The following KCNC1 variants were observed in gnomAD, a reference collection of about 807,000 sequenced individuals.
KCNC1 encodes voltage-gated potassium channel KCNC1.
In KCNC1, 8 loss-of-function variants were observed where a neutral mutation model predicts 43.4. That is an observed-to-expected ratio of 0.18 (90% confidence interval 0.11 to 0.33). The LOEUF (loss-of-function observed/expected upper bound fraction) is 0.33. KCNC1 is among the 10% of genes least tolerant of loss of function. The pLI is 1.00. For synonymous variants in KCNC1, 361 were observed against 360.5 expected (o/e 1.00, Z -0.01); for missense variants, 420 against 836.0 (o/e 0.50, Z 6.14).
At chr11:17,762,532 G>A (rs566578675) in intron 1 of KCNC1, among the ~76,000 whole-genome samples, 90 of 152,298 alleles carry the variant, frequency 5.9e-4, no homozygotes, top group African/African-American at 2.1e-3. Flanking sequence ...GTTGAGTCAG[G>A]CCTGAAAAGC....
chr11:17,750,786 G>C (rs897379074), intron 1 of KCNC1, among the ~76,000 whole-genome samples: 1 of 152,060 alleles, frequency 6.6e-6, no homozygotes, highest in Admixed American at 6.5e-5. Context: ...CTGCTAGGCC[G>C]GCTCTCATGG....
intron 1 of KCNC1, among the ~76,000 whole-genome samples, chr11:17,767,493 G>T (rs532762911): frequency 4.1e-4 from 62 of 152,204 alleles, no homozygotes; most frequent in African/African-American, 1.3e-3. Flanking sequence ...CAAGTTTTGG[G>T]AGCTCTTTCC....
intron 2 of KCNC1, chr11:17,775,509 G>A (rs1849275333): frequency 1.0e-6 from 1 of 985,488 alleles, no homozygotes; most frequent in Non-Finnish European, 1.2e-6. Flanking sequence ...GGGATGCTAG[G>A]AGGGCGCCCT....
At chr11:17,762,381 G>C (rs1451240878) in intron 1 of KCNC1, among the ~76,000 whole-genome samples, 1 of 152,224 alleles carries the variant, frequency 6.6e-6, no homozygotes, top group Admixed American at 6.5e-5. Context: ...TTCAAGGTGA[G>C]AGGCTCTGTG....
At chr11:17,749,593 T>C (rs551021772) in intron 1 of KCNC1, among the ~76,000 whole-genome samples, 8 of 152,336 alleles carry the variant, frequency 5.3e-5, no homozygotes, top group Non-Finnish European at 8.8e-5. Context: ...AGATGAATGT[T>C]TGATGCTCAG....
chr11:17,756,557 ACG>A (rs1491157397), intron 1 of KCNC1, among the ~76,000 whole-genome samples: 1 of 146,752 alleles, frequency 6.8e-6, no homozygotes, highest in South Asian at 2.2e-4. Context: ...ACACACACAC[ACG>A]CATGTACATT....
At chr11:17,774,775 G>C in intron 2 of KCNC1, 2 of 985,404 alleles carry the variant, frequency 2.0e-6, no homozygotes, top group East Asian at 1.1e-4. Context: ...TGGATGCCTG[G>C]ATCCCTCCTG....
At position 17,736,179 on chromosome 11, in the gene KCNC1, C is replaced by T. The variant is rs1434710830; in HGVS notation, c.177C>T (p.Arg59=). The change falls in exon 1 of 4, where the codon CGC becomes CGT. Residue 59 remains arginine (R), a synonymous_variant. Transcript: ENST00000265969. The surrounding 1 kb of genome is among the most constrained non-coding windows in gnomAD (Gnocchi z 9.3). Reference sequence around the variant, plus strand: ...GTGCTGACGAGTTCTTCTTCGACCGCCACCCCGGCGTCTTCGCGCACATCC... The same window carrying T: ...GTGCTGACGAGTTCTTCTTCGACCGTCACCCCGGCGTCTTCGCGCACATCC... ...DPRADEFFFD[R]HPGVFAHILN... is the part of the protein sequence containing the mutation. 1 of 1,613,562 alleles carries T rather than the reference C, an allele frequency of 6.2e-7. No individual in the cohort carries two copies. Among genetic ancestry groups the T allele is most frequent in the African/African-American group, 1.3e-5 (1 of 74,920 alleles).
intron 1 of KCNC1, among the ~76,000 whole-genome samples, chr11:17,767,788 C>T (rs1206296080): frequency 6.6e-6 from 1 of 152,226 alleles, no homozygotes; most frequent in Non-Finnish European, 1.5e-5. Context: ...CTCCACCTCT[C>T]CTGACTCTCC....
At chr11:17,740,971 G>A (rs1472508623) in intron 1 of KCNC1, among the ~76,000 whole-genome samples, 1 of 152,122 alleles carries the variant, frequency 6.6e-6, no homozygotes, top group East Asian at 1.9e-4. Context: ...CATGCGGAGG[G>A]CTGGGGGACA....
At position 17,741,258 on chromosome 11, in the gene KCNC1, C is replaced by T. The variant is rs528116692; in HGVS notation, c.570+4686C>T. Among the ~76,000 whole-genome samples, 15 of 142,438 alleles carry T rather than the reference C, an allele frequency of 1.1e-4. No homozygotes were observed. In the East Asian group the frequency reaches 3.1e-3, roughly 29 times the overall value. 93.4% of individuals were successfully genotyped at this position (142,438 alleles called of 152,430 possible). ...AGTAATGAAAATCATAAACCAAGCGCCTCCTGGTCAGAGCCCTGCAGCCCC... is the reference window on the plus strand; with the variant it reads ...AGTAATGAAAATCATAAACCAAGCGTCTCCTGGTCAGAGCCCTGCAGCCCC... On this transcript the variant is annotated intron_variant, in intron 1 of 3. Transcript: ENST00000265969.
Position 17,736,706 on chromosome 11 carries a change from A to T in KCNC1, c.570+134A>T. On this transcript the variant is annotated intron_variant, in intron 1 of 3. Transcript: ENST00000265969. This position sits in a 1 kb window ranked among gnomAD's most constrained non-coding sequence, Gnocchi z 9.3. ...AAAGGGGGTGTGTGCGCATGTGTGC[A>T]CGTACCAGGGTAAGAGAGGAAGGGT... 6 of 1,394,902 alleles carry T rather than the reference A, an allele frequency of 4.3e-6. No homozygotes were observed. Among genetic ancestry groups the T allele is most frequent in the Non-Finnish European group, 5.6e-6 (6 of 1,067,000 alleles). 86.4% of individuals were successfully genotyped at this position (1,394,902 alleles called of 1,614,324 possible).
At chr11:17,766,157 C>G (rs976560659) in intron 1 of KCNC1, among the ~76,000 whole-genome samples, 1 of 152,214 alleles carries the variant, frequency 6.6e-6, no homozygotes, top group African/African-American at 2.4e-5. Context: ...GCTGCATTAT[C>G]TGTGTGTGCC....
At position 17,776,743 on chromosome 11, in the gene KCNC1, G is replaced by A; in HGVS notation, c.1505-2713G>A. ...ACTATCTCATCCAAAGGATGGGGCA[G>A]GGGCGGGGGCTCACACCTTTGACCC... On this transcript the variant is annotated intron_variant, in intron 2 of 3. Transcript: ENST00000265969. The surrounding 1 kb of genome is among the most constrained non-coding windows in gnomAD (Gnocchi z 4.4). 1.0e-6 allele frequency: 1 copy of A among 985,424 alleles called. No individual in the cohort carries two copies. The highest frequency in any genetic ancestry group is 1.2e-6 in the Non-Finnish European group (1 of 829,934). 61.0% of individuals were successfully genotyped at this position (985,424 alleles called of 1,614,324 possible). A position where few individuals can be genotyped will look rare whatever the true frequency, so the allele number is the denominator to read the frequency against.
Position 17,781,871 on chromosome 11 carries a change from G to A in KCNC1, c.*137G>A. The A allele has an allele frequency of 1.8e-6, 1 of 548,206 alleles. No homozygotes were observed. Among genetic ancestry groups the A allele is most frequent in the East Asian group, 3.1e-5 (1 of 32,046 alleles). 34.0% of individuals were successfully genotyped at this position (548,206 alleles called of 1,614,324 possible). ...TCCGAGTGGCCCAGGCATTGTACTA[G>A]GACGGACGTAGCTTTTTCTACGGCC... is the stretch of plus-strand genomic sequence containing the variant. On this transcript the variant is annotated 3_prime_UTR_variant, in exon 4 of 4. Coordinates refer to ENST00000265969, the MANE Select transcript of KCNC1 (RefSeq NM_001112741.2). The surrounding 1 kb of genome is among the most constrained non-coding windows in gnomAD (Gnocchi z 5.1).
At chr11:17,774,271 G>A (rs1395665718) in intron 2 of KCNC1, 1 of 985,380 alleles carries the variant, frequency 1.0e-6, no homozygotes, top group Non-Finnish European at 1.2e-6. Flanking sequence ...CCTCTAGGAG[G>A]AACGCGTGGG....
At chr11:17,757,713 TAA>T (rs1849036813) in intron 1 of KCNC1, among the ~76,000 whole-genome samples, 1 of 152,238 alleles carries the variant, frequency 6.6e-6, no homozygotes, top group African/African-American at 2.4e-5. Flanking sequence ...TCAGAGCATA[TAA>T]AAGTTATATT....
intron 1 of KCNC1, among the ~76,000 whole-genome samples, chr11:17,760,824 A>G (rs1849069242): frequency 1.3e-5 from 2 of 152,204 alleles, no homozygotes; most frequent in African/African-American, 2.4e-5. Flanking sequence ...GCAGCTCCTC[A>G]TCTAGAGAGT....
intron 1 of KCNC1, among the ~76,000 whole-genome samples, chr11:17,763,589 G>A (rs1222284199): frequency 6.5e-5 from 4 of 61,428 alleles, no homozygotes; most frequent in Non-Finnish European, 5.7e-5. Context: ...CACACACACA[G>A]ACCCCCACAC....
Sources: gnomAD v4.1 joint callset for allele counts (sites outside exome capture counted in the v4.1 genomes callset) on GRCh38, gnomAD v4.1.1 for gene constraint, Gnocchi (gnomAD v3.1) non-coding constraint, MANE v1.5 for transcripts, NCBI Gene and HGNC (gene_info 2026-07-23, HGNC 2026-07-21) for gene names.